Variants in DAB2IP observed in about 807,000 individuals in gnomAD.
The protein encoded by DAB2IP is disabled homolog 2-interacting protein.
DAB2IP carries 28 observed loss-of-function variants against 107.2 expected under a neutral mutation model. The observed-to-expected ratio is 0.26, with a 90% CI of 0.19 to 0.36. DAB2IP has a LOEUF of 0.36. DAB2IP is among the 10% of genes least tolerant of loss of function. DAB2IP has a pLI of 1.00. For missense variants in DAB2IP, 1,400 were observed against 1,644.7 expected (o/e 0.85, Z 2.57); for synonymous variants, 755 against 706.4 (o/e 1.07, Z -1.09).
At chr9:121,785,452 T>G (rs918969156) in exon 16 of DAB2IP, 2 of 152,674 alleles carry the variant, frequency 1.3e-5, no homozygotes, top group African/African-American at 4.8e-5. Context: ...AAGCTGTTGG[T>G]GTTCTAAGAC....
chr9:121,668,068 C>T (rs1472017450), intron 1 of DAB2IP, among the ~76,000 whole-genome samples: 7 of 152,136 alleles, frequency 4.6e-5, no homozygotes, highest in African/African-American at 1.7e-4. Flanking sequence ...GGGGAAACCG[C>T]CCCCATGATC....
rs949823515 is a variant in DAB2IP at position 121,702,141 on chromosome 9, T to C, written c.362+2683T>C. ...GATGAATCTATCTGGTTTATATGGC[T>C]GCTGAAGAGGCTTTGTTGAATGCTG... On this transcript the variant is annotated intron_variant, in intron 3 of 15. Transcript: ENST00000408936. The surrounding 1 kb of genome is among the most constrained non-coding windows in gnomAD (Gnocchi z 4.5). Among the ~76,000 whole-genome samples, 1 of 152,222 alleles carries C rather than the reference T, an allele frequency of 6.6e-6. No individual in the cohort carries two copies. Among genetic ancestry groups the C allele is most frequent in the African/African-American group, 2.4e-5 (1 of 41,456 alleles).
Position 121,770,652 on chromosome 9 carries a change from C to CCA in DAB2IP, c.2010_2011dup (p.Pro671HisfsTer17). On this transcript the variant is annotated frameshift_variant, in exon 11 of 16. Transcript: ENST00000408936. LOFTEE classifies it high-confidence loss of function. ...CTCCCAGGGACCAATGACCTGGCCT[C>CCA]CACACCGGGCTCTGGCAGCAGCAGC... 6.2e-7 allele frequency: 1 copy of CCA among 1,614,162 alleles called. No individual in the cohort carries two copies. The highest frequency in any genetic ancestry group is 8.5e-7 in the Non-Finnish European group (1 of 1,180,040).
chr9:121,757,998 C>G (rs762053471), intron 4 of DAB2IP, among the ~76,000 whole-genome samples: 5 of 152,240 alleles, frequency 3.3e-5, no homozygotes, highest in African/African-American at 4.8e-5. Context: ...TACCCTGTGC[C>G]CACTGGGGAC....
In DAB2IP at chr9:121,772,367, G is replaced by A. The variant is rs150469833; in HGVS notation, c.2079-240G>A. 7.8e-4 allele frequency among the ~76,000 whole-genome samples: 119 copies of A among 152,264 alleles called. No homozygotes were observed. The highest frequency in any genetic ancestry group is 2.5e-3 in the African/African-American group (102 of 41,538). On this transcript the variant is annotated intron_variant, in intron 11 of 15. Coordinates refer to ENST00000408936, the Ensembl canonical transcript of DAB2IP. This position sits in a 1 kb window ranked among gnomAD's most constrained non-coding sequence, Gnocchi z 4.7. ...ACAGGGAAGGGGTCTTCCAGGCAGC[G>A]CGGCCTGAAATGTGCAGTGCTGGCC... is the stretch of plus-strand genomic sequence containing the variant.
intron 3 of DAB2IP, among the ~76,000 whole-genome samples, chr9:121,727,790 T>A (rs1831313343): frequency 6.6e-6 from 1 of 152,190 alleles, no homozygotes; most frequent in South Asian, 2.1e-4. Context: ...GCCTCTCTCT[T>A]GGGCAGGCAT....
At position 121,763,501 on chromosome 9, in the gene DAB2IP, C is replaced by A; in HGVS notation, c.1171-4C>A. Reference sequence around the variant, plus strand: ...CCTGCTCTCTCCACCTCCTGCCTCCCCAGGACTTCCTGACAGACCTGATGA... The same window carrying A: ...CCTGCTCTCTCCACCTCCTGCCTCCACAGGACTTCCTGACAGACCTGATGA... On this transcript the variant is annotated splice_polypyrimidine_tract_variant and splice_region_variant and intron_variant, in intron 6 of 15. Coordinates refer to ENST00000408936, the Ensembl canonical transcript of DAB2IP. 1 of 1,610,772 alleles carries A rather than the reference C, an allele frequency of 6.2e-7. No homozygotes were observed.
intron 6 of DAB2IP, among the ~76,000 whole-genome samples, chr9:121,761,067 C>G (rs1348094247): frequency 6.6e-6 from 1 of 152,216 alleles, no homozygotes; most frequent in Non-Finnish European, 1.5e-5. Flanking sequence ...CAATGTCCAT[C>G]TCCATGACCC....
At chr9:121,660,619 G>C (rs1833159255) in intron 1 of DAB2IP, among the ~76,000 whole-genome samples, 1 of 152,170 alleles carries the variant, frequency 6.6e-6, no homozygotes, top group Non-Finnish European at 1.5e-5. Context: ...CTGGGCTCCT[G>C]CCACGATCTC....
chr9:121,615,438 T>C (rs1383237004), intron 1 of DAB2IP, among the ~76,000 whole-genome samples: 5 of 152,092 alleles, frequency 3.3e-5, no homozygotes, highest in African/African-American at 1.2e-4. Flanking sequence ...AACAGTTTGA[T>C]GCTATCTCCT....
At chr9:121,724,785 T>C (rs911697103) in intron 3 of DAB2IP, among the ~76,000 whole-genome samples, 1 of 152,102 alleles carries the variant, frequency 6.6e-6, no homozygotes, top group African/African-American at 2.4e-5. Context: ...GCCCAGTGTC[T>C]GTGGCCTCTG....
intron 3 of DAB2IP, among the ~76,000 whole-genome samples, chr9:121,711,352 G>T (rs938897969): frequency 6.6e-6 from 1 of 152,128 alleles, no homozygotes; most frequent in African/African-American, 2.4e-5. Flanking sequence ...CTCCAGTGGG[G>T]TGATTGTGTG....
At chr9:121,687,070 T>A (rs141324445) in intron 2 of DAB2IP, among the ~76,000 whole-genome samples, 1,751 of 152,206 alleles carry the variant, frequency 0.012, 30 homozygotes, top group African/African-American at 0.04. Context: ...GGGTAGCAAG[T>A]GGACTTCTGG....
chr9:121,697,131 CA>C (rs1829467625), intron 2 of DAB2IP, among the ~76,000 whole-genome samples: 1 of 152,042 alleles, frequency 6.6e-6, no homozygotes, highest in Admixed American at 6.6e-5. Context: ...AGTAGAGTCA[CA>C]GGGGGTGGAG....
chr9:121,593,865 A>T (rs1220092435), intron 1 of DAB2IP, among the ~76,000 whole-genome samples: 1 of 149,840 alleles, frequency 6.7e-6, no homozygotes, highest in East Asian at 2.0e-4. Flanking sequence ...ATGGGGTTTC[A>T]CTATTTTGAC....
chr9:121,784,718 T>G (rs1432409192), exon 16 of DAB2IP: 1 of 154,622 alleles, frequency 6.5e-6, no homozygotes, highest in East Asian at 1.9e-4. Context: ...AAGGGTTTTA[T>G]TTTATTTCTG....
chr9:121,707,179 C>G (rs969437445), intron 3 of DAB2IP, among the ~76,000 whole-genome samples: 1 of 152,210 alleles, frequency 6.6e-6, no homozygotes, highest in Non-Finnish European at 1.5e-5. Context: ...ACTTTGCGCC[C>G]TGTGCCAGAG....
chr9:121,683,619 A>T (rs932101113), intron 2 of DAB2IP, among the ~76,000 whole-genome samples: 12 of 152,248 alleles, frequency 7.9e-5, no homozygotes, highest in Non-Finnish European at 1.6e-4. Context: ...GAAACTGCAG[A>T]TAAACTCAAC....
exon 12 of DAB2IP, chr9:121,773,381 AACC>A: frequency 6.3e-7 from 1 of 1,580,494 alleles, no homozygotes; most frequent in Non-Finnish European, 8.6e-7. Flanking sequence ...CCTCAAGCGG[AACC>A]CTGGCGTCGG....
Sources: allele counts gnomAD v4.1 joint callset (sites outside exome capture counted in the v4.1 genomes callset), GRCh38; gene constraint gnomAD v4.1.1; non-coding constraint Gnocchi (gnomAD v3.1); transcripts MANE v1.5; gene names NCBI Gene and HGNC (gene_info 2026-07-23, HGNC 2026-07-21).